COL1A2: variants seen among roughly 807,000 people sequenced by gnomAD.
The protein encoded by COL1A2 is collagen alpha-2(I) chain.
Under a neutral mutation model 174.3 loss-of-function variants are expected in COL1A2, and 49 were observed. That is an observed-to-expected ratio of 0.28 (90% CI 0.22 to 0.36). The LOEUF is 0.36. Among genes scored for constraint, COL1A2 ranks in the 10% least tolerant of loss-of-function variants. The pLI, the probability that COL1A2 is intolerant of heterozygous loss-of-function variation, is 1.00. For synonymous variants in COL1A2, 655 were observed against 606.6 expected, an observed-to-expected ratio of 1.08 and a Z score of -1.17; for missense variants, 1,438 against 1,822.7, an observed-to-expected ratio of 0.79 and a Z score of 3.84.
chr7:94,425,714 C>G (rs1342475673), intron 43 of COL1A2, 36 bp from the exon 44 acceptor site: 1 of 1,613,630 alleles, frequency 6.2e-7, no homozygotes, highest in Non-Finnish European at 8.5e-7. Flanking sequence ...AAAATGCAAC[C>G]CAGATTGATG....
At position 94,394,961 on chromosome 7, in the gene COL1A2, G is replaced by C; in HGVS notation, c.-71G>C. The C allele has an allele frequency of 7.1e-7, 1 of 1,402,620 alleles. No individual in the cohort carries two copies. Among genetic ancestry groups the C allele is most frequent in the South Asian group, 1.2e-5 (1 of 86,654 alleles). The allele number at this position is 1,402,620 out of a possible 1,614,324, so 86.9% of individuals were successfully genotyped here. Reference sequence around the variant, plus strand: ...TGGCCACGACTGCATGCCCGCGCCCGCCAGGTGATACCTCCGCCGGTGACC... The same window carrying C: ...TGGCCACGACTGCATGCCCGCGCCCCCCAGGTGATACCTCCGCCGGTGACC... On this transcript the variant is annotated 5_prime_UTR_variant, in exon 1 of 52. Transcript: ENST00000297268.
chr7:94,399,232 A>G, intron 4 of COL1A2, 148 bp downstream of exon 4: 1 of 685,106 alleles, frequency 1.5e-6, no homozygotes, highest in South Asian at 2.0e-5. Flanking sequence ...AGAAGAAGCG[A>G]ATGAGCATTA....
chr7:94,424,283 G>C, intron 40 of COL1A2, 53 bp from the exon 41 acceptor site: 1 of 1,470,330 alleles, frequency 6.8e-7, no homozygotes, highest in East Asian at 2.3e-5. Flanking sequence ...AAGCCAACCT[G>C]TGTTATCACC....
intron 39 of COL1A2, chr7:94,422,607 A>T (rs748226622): frequency 3.1e-5 from 7 of 223,106 alleles, no homozygotes; most frequent in Non-Finnish European, 5.3e-5. Context: ...AGAAAAGGCA[A>T]AGTCCTTCGA....
rs72656360 is a variant in COL1A2, at chr7:94,404,849, G to A, written c.389G>A (p.Gly130Asp). 1.9e-6 allele frequency: 3 copies of A among 1,613,884 alleles called. No individual in the cohort carries two copies. The highest frequency in any genetic ancestry group is 3.3e-5 in the Admixed American group (2 of 59,990). ...PGEPGQTGPA[G>D]ARGPAGPPGK... Reference sequence around the variant, plus strand: ...CTCCCATTTTCTTAGGGTCCTGCAGGTGCTCGTGGTCCAGCTGGCCCTCCT... The same window carrying A: ...CTCCCATTTTCTTAGGGTCCTGCAGATGCTCGTGGTCCAGCTGGCCCTCCT... Residue 130 changes from glycine (G) to aspartate (D), a missense_variant, in exon 9 of 52, where the codon GGT (glycine) becomes GAT (aspartate). Gly to Asp is a moderately conservative substitution (Grantham distance 94). Around this residue, in one of 3 missense-constraint regions of COL1A2, gnomAD observed 281 missense variants for 310.9 expected, o/e 0.90. Transcript: ENST00000297268.
intron 40 of COL1A2, chr7:94,423,746 C>G (rs939492169): frequency 1.2e-5 from 2 of 164,720 alleles, no homozygotes; most frequent in Admixed American, 5.7e-5. Flanking sequence ...AGGCACACAC[C>G]ATCATGCCTA....
Position 94,394,971 on chromosome 7 carries a change from A to G in COL1A2, c.-61A>G. 6.7e-7 allele frequency: 1 copy of G among 1,500,416 alleles called. No individual in the cohort carries two copies. Among genetic ancestry groups the G allele is most frequent in the Non-Finnish European group, 9.3e-7 (1 of 1,078,256 alleles). The allele number at this position is 1,500,416 out of a possible 1,614,324, so 92.9% of individuals were successfully genotyped here. On this transcript the variant is annotated 5_prime_UTR_variant, in exon 1 of 52. The change creates a new upstream start codon in the 5' untranslated region. Coordinates refer to ENST00000297268, the MANE Select transcript of COL1A2 (RefSeq NM_000089.4). ...TGCATGCCCGCGCCCGCCAGGTGAT[A>G]CCTCCGCCGGTGACCCAGGGGCTCT...
intron 16 of COL1A2, 67 bp from the exon 17 acceptor site, chr7:94,409,255 A>G: frequency 7.4e-7 from 1 of 1,350,082 alleles, no homozygotes; most frequent in Non-Finnish European, 1.1e-6. Flanking sequence ...AAAACTTGGC[A>G]TCTTAAAAAC....
chr7:94,424,401 C>T lies in COL1A2; in HGVS notation c.2631C>T (p.Gly877=). ...LGAPGILGLP[G]SRGERGLPGV... ...CTCCTGGTATTCTGGGTCTCCCTGG[C>T]TCGAGAGGTGAACGTGGTCTACCAG... The change falls in exon 41 of 52, where the codon GGC becomes GGT. Residue 877 remains glycine (G), a synonymous_variant. Coordinates refer to ENST00000297268, the MANE Select transcript of COL1A2 (RefSeq NM_000089.4). The T allele has an allele frequency of 1.2e-6, 2 of 1,614,124 alleles. No individual in the cohort carries two copies. The highest frequency in any genetic ancestry group is 1.7e-6 in the Non-Finnish European group (2 of 1,180,000).
At position 94,430,337 on chromosome 7, in the gene COL1A2, A is replaced by G. The variant is rs1302096937; in HGVS notation, c.4045A>G (p.Ile1349Val). ...LPFLDIAPLD[I>V]GGADQEFFVD... ...CTTCCTTGATATTGCACCTTTGGAC[A>G]TCGGTGGTGCTGACCAGGAATTCTT... is the stretch of plus-strand genomic sequence containing the variant. The change falls in exon 52 of 52, where the codon ATC becomes GTC. Residue 1349 changes from isoleucine to valine, a missense_variant. Physicochemically the swap from Ile to Val is conservative, Grantham distance 29. Transcript: ENST00000297268. 6 of 1,613,976 alleles carry G rather than the reference A, an allele frequency of 3.7e-6. No homozygotes were observed. The highest frequency in any genetic ancestry group is 2.2e-5 in the East Asian group (1 of 44,890).
chr7:94,401,423 A>T, intron 5 of COL1A2, 144 bp from the exon 6 acceptor site: 1 of 299,744 alleles, frequency 3.3e-6, no homozygotes, highest in East Asian at 9.7e-5. Flanking sequence ...ATAGAATTTT[A>T]AACTAATAAT....
Position 94,429,402 on chromosome 7 carries a change from C to T in COL1A2, c.3926C>T (p.Thr1309Ile), listed in dbSNP as rs750728685. 1.9e-6 allele frequency: 3 copies of T among 1,613,994 alleles called. No homozygotes were observed. Among genetic ancestry groups the T allele is most frequent in the East Asian group, 2.2e-5 (1 of 44,864 alleles). ...ELVAEGNSRF[T>I]YTVLVDGCSK... Reference sequence around the variant, plus strand: ...GTTGCTGAGGGCAACAGCAGGTTCACTTACACTGTTCTTGTAGATGGCTGC... The same window carrying T: ...GTTGCTGAGGGCAACAGCAGGTTCATTTACACTGTTCTTGTAGATGGCTGC... Residue 1309 changes from threonine to isoleucine, a missense_variant, in exon 51 of 52, where the codon ACT becomes ATT. Coordinates refer to ENST00000297268, the MANE Select transcript of COL1A2 (RefSeq NM_000089.4).
In COL1A2 at chr7:94,415,260, C is replaced by T; in HGVS notation, c.1754C>T (p.Ala585Val). ...GGTGAGTTTGGTCTCCCTGGTCCTG[C>T]TGGTCCAAGAGTAAGTGTTACTTCA... ...LHGEFGLPGP[A>V]GPRGERGPPG... Residue 585 changes from alanine (A) to valine (V), a missense_variant, in exon 30 of 52, where the codon GCT (alanine) becomes GTT (valine). Transcript: ENST00000297268. 1 of 1,613,808 alleles carries T rather than the reference C, an allele frequency of 6.2e-7. No individual in the cohort carries two copies. Among genetic ancestry groups the T allele is most frequent in the Non-Finnish European group, 8.5e-7 (1 of 1,179,734 alleles).
chr7:94,401,724 A>G (rs747451223), intron 6 of COL1A2, 104 bp downstream of exon 6: 14 of 710,310 alleles, frequency 2.0e-5, no homozygotes, highest in Middle Eastern at 4.1e-4. Context: ...GTTAACACTC[A>G]ATACTTAGAT....
At chr7:94,401,880 C>T (rs565564045) in intron 6 of COL1A2, among the ~76,000 whole-genome samples, 1 of 152,168 alleles carries the variant, frequency 6.6e-6, no homozygotes, top group South Asian at 2.1e-4. Flanking sequence ...AGATCATATA[C>T]TTATGTCCAA....
rs779555272 is a variant in COL1A2 at position 94,425,636 on chromosome 7, A to T, written c.2808A>T (p.Pro936=). The change falls in exon 43 of 52, where the codon CCA becomes CCT. Residue 936 remains proline (P), a synonymous_variant. Coordinates refer to ENST00000297268, the MANE Select transcript of COL1A2 (RefSeq NM_000089.4). ...RDGNPGNDGP[P]GRDGQPGHKG... ...GCAACCCTGGGAACGATGGTCCCCC[A>T]GGTCGCGATGGTCAACCCGGACACA... 14 of 1,614,066 alleles carry T rather than the reference A, an allele frequency of 8.7e-6. No individual in the cohort carries two copies. Among genetic ancestry groups the T allele is most frequent in the Non-Finnish European group, 1.2e-5 (14 of 1,180,020 alleles).
At chr7:94,428,875 A>G (rs1792340216) in intron 50 of COL1A2, among the ~76,000 whole-genome samples, 1 of 151,738 alleles carries the variant, frequency 6.6e-6, no homozygotes, top group African/African-American at 2.4e-5. Context: ...AATGACAGAA[A>G]AAGAAAAATG....
At position 94,425,130 on chromosome 7, in the gene COL1A2, C is replaced by T. The variant is rs202068380; in HGVS notation, c.2687C>T (p.Pro896Leu). 6.4e-5 allele frequency: 103 copies of T among 1,613,952 alleles called. No homozygotes were observed. Among genetic ancestry groups the T allele is most frequent in the Non-Finnish European group, 5.4e-5 (64 of 1,179,984 alleles). Residue 896 changes from proline (P) to leucine (L), a missense_variant, in exon 42 of 52, where the codon CCT becomes CTT. Physicochemically the swap from Pro to Leu is moderately conservative, Grantham distance 98. Around this residue, in one of 3 missense-constraint regions of COL1A2, gnomAD observed 867 missense variants for 1,213.7 expected, o/e 0.71. Transcript: ENST00000297268. ...CTGCCTGTTTAGGGTGAACCTGGTC[C>T]TCTTGGCATTGCCGGCCCTCCTGGG... Reference protein sequence around the residue: ...GVAGAVGEPGPLGIAGPPGAR... With the variant: ...GVAGAVGEPGLLGIAGPPGAR...
chr7:94,400,162 T>C (rs1329918608), intron 4 of COL1A2, 34 bp from the exon 5 acceptor site: 1 of 1,601,240 alleles, frequency 6.2e-7, no homozygotes, highest in Non-Finnish European at 8.6e-7. Context: ...ACAGGGCCTG[T>C]CTAACCTGAC....
Sources: gnomAD v4.1 joint callset for allele counts (sites outside exome capture counted in the v4.1 genomes callset) on GRCh38, gnomAD v4.1.1 for gene constraint, gnomAD v4.1.1 regional missense constraint, MANE v1.5 for transcripts, NCBI Gene and HGNC (gene_info 2026-07-23, HGNC 2026-07-21) for gene names.